SNX8: variants seen among roughly 807,000 people sequenced by gnomAD.
SNX8 encodes sorting nexin 8.
A neutral mutation model predicts 51.6 loss-of-function variants in SNX8; 25 were observed. That is an observed-to-expected ratio of 0.48 (90% CI 0.35 to 0.68). The LOEUF is 0.68. Ranked by LOEUF, SNX8 falls within the 30% of genes least tolerant of loss-of-function variation. The pLI is 0.00. For missense variants in SNX8, 695 were observed against 624.0 expected, an observed-to-expected ratio of 1.11 and a Z score of -1.21; for synonymous variants, 324 against 277.0, an observed-to-expected ratio of 1.17 and a Z score of -1.68.
At chr7:2,318,768 T>C (rs1796792298), upstream of SNX8, among the ~76,000 whole-genome samples, 1 of 151,282 alleles carries the variant, frequency 6.6e-6, no homozygotes, top group South Asian at 2.1e-4. Context: ...TTCCAACACT[T>C]TGGGAGGTCG....
Position 2,284,953 on chromosome 7 carries a change from T to C in SNX8, c.95-6648A>G, listed in dbSNP as rs147007121. Among the ~76,000 whole-genome samples the C allele has an allele frequency of 5.1e-3, 771 of 152,022 alleles. 7 individuals are homozygous for C. The highest frequency in any genetic ancestry group is 0.017 in the African/African-American group (724 of 41,508). The stretch of plus-strand genomic sequence containing the variant: ...TTGGCTGGGCGGAGTGCCTCACGCC[T>C]GTAAATCCCAGCACTTTTGGAGGCT... On this transcript the variant is annotated intron_variant, in intron 1 of 10. Coordinates refer to ENST00000222990, the MANE Select transcript of SNX8 (RefSeq NM_013321.4).
intron 4 of SNX8, 45 bp from the exon 5 acceptor site, chr7:2,269,684 A>T: frequency 1.5e-6 from 2 of 1,349,942 alleles, no homozygotes; most frequent in Non-Finnish European, 2.1e-6. Context: ...TACTAGCAGC[A>T]AGAAAGCTGC....
At chr7:2,286,739 C>T (rs562204863) in intron 1 of SNX8, among the ~76,000 whole-genome samples, 12 of 151,896 alleles carry the variant, frequency 7.9e-5, no homozygotes, top group East Asian at 3.9e-4. Flanking sequence ...AGGATGGTCT[C>T]GATCTCCTGA....
chr7:2,274,586 G>C (rs1006719480), intron 3 of SNX8, among the ~76,000 whole-genome samples: 1 of 152,252 alleles, frequency 6.6e-6, no homozygotes, highest in African/African-American at 2.4e-5. Context: ...TTCAGGCAGA[G>C]AGGTGAAGGT....
intron 1 of SNX8, among the ~76,000 whole-genome samples, chr7:2,347,478 C>G (rs1275995873): frequency 3.5e-5 from 2 of 57,124 alleles, no homozygotes; most frequent in South Asian, 8.2e-4. Flanking sequence ...AAGATGCTGT[C>G]TCAAAAAAAA....
At chr7:2,340,234 C>T (rs1279149440) in intron 1 of SNX8, among the ~76,000 whole-genome samples, 2 of 149,648 alleles carry the variant, frequency 1.3e-5, no homozygotes, top group Non-Finnish European at 1.5e-5. Context: ...GGCTAATTTT[C>T]ATAATTTTTT....
At chr7:2,350,191 T>C (rs982001422) in intron 1 of SNX8, among the ~76,000 whole-genome samples, 23 of 152,120 alleles carry the variant, frequency 1.5e-4, no homozygotes, top group African/African-American at 5.3e-4. Context: ...AGGCACAGCT[T>C]TCCTACATTA....
In SNX8 at chr7:2,275,575, G is replaced by A. The variant is rs201271170; in HGVS notation, c.301-346C>T. ...AAATTAGCTGGGCATGGTGGTGGGCGGCTGTAGTCCCAGCTACTTTGGAGC... is the reference window on the plus strand; with the variant it reads ...AAATTAGCTGGGCATGGTGGTGGGCAGCTGTAGTCCCAGCTACTTTGGAGC... On this transcript the variant is annotated intron_variant, in intron 2 of 10. Transcript: ENST00000222990. Among the ~76,000 whole-genome samples, 5 of 151,882 alleles carry A rather than the reference G, an allele frequency of 3.3e-5. No individual in the cohort carries two copies. The East Asian group carries it at 7.7e-4, about 24-fold the overall frequency.
At chr7:2,314,962 A>T (rs564889523), upstream of SNX8, among the ~76,000 whole-genome samples, 85 of 151,196 alleles carry the variant, frequency 5.6e-4, no homozygotes, top group African/African-American at 1.4e-3. Context: ...TCATCCAGCC[A>T]CTCACTCACT....
At chr7:2,302,061 T>C (rs1446729447) in intron 1 of SNX8, among the ~76,000 whole-genome samples, 3 of 151,864 alleles carry the variant, frequency 2.0e-5, no homozygotes, top group Non-Finnish European at 4.4e-5. Context: ...GCTAACACGG[T>C]GAAACTTCAT....
intron 1 of SNX8, among the ~76,000 whole-genome samples, chr7:2,345,569 T>C (rs1779005883): frequency 6.6e-6 from 1 of 151,786 alleles, no homozygotes; most frequent in Non-Finnish European, 1.5e-5. Flanking sequence ...TCCCAGCTAC[T>C]TGGGAGGCTG....
intron 1 of SNX8, among the ~76,000 whole-genome samples, chr7:2,347,584 G>C (rs951534594): frequency 1.4e-5 from 2 of 147,956 alleles, no homozygotes; most frequent in East Asian, 3.9e-4. Context: ...AGACAGGGAA[G>C]TTCAGATGAT....
At chr7:2,277,793 C>T (rs1015007130) in intron 2 of SNX8, among the ~76,000 whole-genome samples, 74 of 147,962 alleles carry the variant, frequency 5.0e-4, no homozygotes, top group African/African-American at 1.7e-3. Flanking sequence ...GGCGACAGAG[C>T]AAGACTCCAC....
intron 1 of SNX8, among the ~76,000 whole-genome samples, chr7:2,293,288 T>G (rs1796194925): frequency 6.7e-6 from 1 of 149,214 alleles, no homozygotes; most frequent in Admixed American, 6.6e-5. Flanking sequence ...CCAAATTACC[T>G]AATTTTAAAG....
At chr7:2,337,953 C>A (rs183518992) in intron 1 of SNX8, among the ~76,000 whole-genome samples, 1 of 151,818 alleles carries the variant, frequency 6.6e-6, no homozygotes, top group Admixed American at 6.6e-5. Flanking sequence ...GAGAAGTATG[C>A]CTGTTATAAT....
intron 1 of SNX8, among the ~76,000 whole-genome samples, chr7:2,313,523 CAAAAA>C (rs371626274): frequency 5.6e-5 from 6 of 108,094 alleles, no homozygotes; most frequent in African/African-American, 1.5e-4. Flanking sequence ...GAATCTGTCT[CAAAAA>C]AAAAAAAAAA....
intron 1 of SNX8, among the ~76,000 whole-genome samples, chr7:2,296,276 G>A (rs1342262495): frequency 6.6e-6 from 1 of 151,862 alleles, no homozygotes; most frequent in Non-Finnish European, 1.5e-5. Flanking sequence ...TGTTCTCCTT[G>A]TAGAGATCTT....
At chr7:2,329,863 T>C (rs1311515987) in intron 1 of SNX8, among the ~76,000 whole-genome samples, 1 of 151,488 alleles carries the variant, frequency 6.6e-6, no homozygotes, top group Non-Finnish European at 1.5e-5. Flanking sequence ...AGTCTCGCTC[T>C]GTTCCCCAGG....
At chr7:2,313,462 G>A (rs1264221950) in intron 1 of SNX8, among the ~76,000 whole-genome samples, 3 of 150,866 alleles carry the variant, frequency 2.0e-5, no homozygotes, top group South Asian at 2.1e-4. Context: ...GGAGGCGGAG[G>A]TTGCAATGAG....
Sources: allele counts gnomAD v4.1 joint callset (sites outside exome capture counted in the v4.1 genomes callset), GRCh38; gene constraint gnomAD v4.1.1; transcripts MANE v1.5; gene names NCBI Gene and HGNC (gene_info 2026-07-23, HGNC 2026-07-21).